The following CADPS2 variants were observed in gnomAD, a reference collection of about 807,000 sequenced individuals.
The protein encoded by CADPS2 is calcium-dependent secretion activator 2.
Under a neutral mutation model 172.5 loss-of-function variants are expected in CADPS2, and 93 were observed. The ratio of observed to expected loss-of-function variants is 0.54; its 90% CI spans 0.46 to 0.64. The LOEUF (loss-of-function observed/expected upper bound fraction) is 0.64, where lower values mean the gene tolerates loss of function less well. CADPS2 is among the 30% of genes least tolerant of loss of function. CADPS2 has a pLI of 0.00. For synonymous variants in CADPS2, 546 were observed against 555.2 expected (o/e 0.98, Z 0.23); for missense variants, 1,420 against 1,565.9 (o/e 0.91, Z 1.57).
chr7:122,780,431 T>C (rs1792384165), intron 1 of CADPS2, among the ~76,000 whole-genome samples: 2 of 152,300 alleles, frequency 1.3e-5, no homozygotes, highest in South Asian at 4.1e-4. Context: ...ACAGCTACTG[T>C]TTTTAAAAAG....
At position 122,546,524 on chromosome 7, in the gene CADPS2, T is replaced by C. The variant is rs143436439; in HGVS notation, c.1475+8026A>G. On this transcript the variant is annotated intron_variant, in intron 8 of 29. Transcript: ENST00000449022. ...CTTTGCTATGTTCCATAAACACTCATTTTCTCCTCTTTAGACCTCTGCTGA... is the reference window on the plus strand; with the variant it reads ...CTTTGCTATGTTCCATAAACACTCACTTTCTCCTCTTTAGACCTCTGCTGA... 4.0e-3 allele frequency among the ~76,000 whole-genome samples: 603 copies of C among 150,724 alleles called. 7 individuals are homozygous for C. The highest frequency in any genetic ancestry group is 0.014 in the African/African-American group (572 of 40,706).
At chr7:122,698,965 T>A (rs2085602059) in intron 2 of CADPS2, 6 of 1,283,954 alleles carry the variant, frequency 4.7e-6, no homozygotes, top group Middle Eastern at 1.9e-4. Flanking sequence ...CAGTTGCACA[T>A]CTGTTGACAA....
intron 12 of CADPS2, among the ~76,000 whole-genome samples, chr7:122,475,096 T>C (rs2056474800): frequency 6.6e-6 from 1 of 152,180 alleles, no homozygotes; most frequent in African/African-American, 2.4e-5. Context: ...AAGCTTAACG[T>C]CCCAAATGGC....
At chr7:122,365,226 T>C (rs1453395755) in intron 25 of CADPS2, among the ~76,000 whole-genome samples, 1 of 152,142 alleles carries the variant, frequency 6.6e-6, no homozygotes, top group Non-Finnish European at 1.5e-5. Flanking sequence ...ATTTCAAAAG[T>C]AGTGGAGAGT....
intron 24 of CADPS2, among the ~76,000 whole-genome samples, chr7:122,385,743 T>C (rs974248773): frequency 6.6e-6 from 1 of 151,948 alleles, no homozygotes; most frequent in South Asian, 2.1e-4. Flanking sequence ...TCCTAGGCCA[T>C]GAGTGGGAGG....
intron 28 of CADPS2, among the ~76,000 whole-genome samples, chr7:122,327,742 AAAT>A (rs1443796252): frequency 2.0e-5 from 3 of 152,034 alleles, no homozygotes; most frequent in Admixed American, 6.6e-5. Context: ...TACAATGCCA[AAAT>A]AATAATTTTA....
chr7:122,353,227 T>G (rs1019736928), intron 27 of CADPS2, among the ~76,000 whole-genome samples: 2 of 152,046 alleles, frequency 1.3e-5, no homozygotes, highest in Non-Finnish European at 2.9e-5. Flanking sequence ...AGGTGGAAAA[T>G]GAACGGAGAT....
intron 1 of CADPS2, among the ~76,000 whole-genome samples, chr7:122,743,013 T>G (rs982980653): frequency 6.6e-6 from 1 of 152,290 alleles, no homozygotes; most frequent in Non-Finnish European, 1.5e-5. Flanking sequence ...TGTTTTAATT[T>G]TGTCTTCAGA....
chr7:122,834,510 AG>A (rs759179835), intron 1 of CADPS2, among the ~76,000 whole-genome samples: 265 of 152,280 alleles, frequency 1.7e-3, no homozygotes, highest in Non-Finnish European at 3.3e-3. Context: ...GGGGAGCACA[AG>A]GGGTAAGGGA....
At chr7:122,394,058 G>T (rs912138424) in intron 20 of CADPS2, among the ~76,000 whole-genome samples, 4 of 152,164 alleles carry the variant, frequency 2.6e-5, no homozygotes, top group African/African-American at 4.8e-5. Context: ...CACTAGGAGG[G>T]TGTCTGTGGG....
chr7:122,727,481 A>T (rs1189675318), intron 2 of CADPS2, among the ~76,000 whole-genome samples: 1 of 151,600 alleles, frequency 6.6e-6, no homozygotes, highest in Non-Finnish European at 1.5e-5. Flanking sequence ...AAGAATATAC[A>T]AGCAGAAGAA....
intron 20 of CADPS2, among the ~76,000 whole-genome samples, chr7:122,397,517 G>T (rs1228951375): frequency 6.6e-6 from 1 of 151,702 alleles, no homozygotes; most frequent in African/African-American, 2.4e-5. Context: ...GAGGGGGAAA[G>T]AAAGGAAAGA....
chr7:122,702,499 A>G, intron 2 of CADPS2: 2 of 1,613,700 alleles, frequency 1.2e-6, no homozygotes, highest in Non-Finnish European at 1.7e-6. Flanking sequence ...GATGACAGGC[A>G]TTCTGATTCC....
Position 122,370,896 on chromosome 7 carries a change from C to T in CADPS2, c.3387+8472G>A, listed in dbSNP as rs562300107. Reference sequence around the variant, plus strand: ...ACTGTGAAGGGACTTGTAGGTGATGCTAAAAAGTTTTTCTTGTGGGTCAAC... The same window carrying T: ...ACTGTGAAGGGACTTGTAGGTGATGTTAAAAAGTTTTTCTTGTGGGTCAAC... On this transcript the variant is annotated intron_variant, in intron 25 of 29. Coordinates refer to ENST00000449022, the MANE Select transcript of CADPS2 (RefSeq NM_017954.11). Among the ~76,000 whole-genome samples the T allele has an allele frequency of 3.9e-5, 6 of 152,142 alleles. No homozygotes were observed. In the South Asian group the frequency reaches 1.0e-3, roughly 26 times the overall value.
intron 2 of CADPS2, among the ~76,000 whole-genome samples, chr7:122,682,030 A>G (rs959846145): frequency 1.3e-5 from 2 of 152,158 alleles, no homozygotes; most frequent in Non-Finnish European, 2.9e-5. Context: ...CTAATAGCAG[A>G]TCTTTGAGTC....
chr7:122,716,475 C>G (rs1051058196), intron 2 of CADPS2, among the ~76,000 whole-genome samples: 1 of 152,020 alleles, frequency 6.6e-6, no homozygotes, highest in East Asian at 1.9e-4. Flanking sequence ...AGGGAGCTCC[C>G]AGTCAGCAGA....
chr7:122,730,625 C>G (rs969314316), intron 2 of CADPS2, among the ~76,000 whole-genome samples: 1 of 151,624 alleles, frequency 6.6e-6, no homozygotes, highest in African/African-American at 2.4e-5. Flanking sequence ...TTAAAGTATG[C>G]TAATGTCATA....
rs57716923 is a variant in CADPS2 at position 122,575,178 on chromosome 7, T to TA, written c.1335+6000dup. 4.6e-3 allele frequency among the ~76,000 whole-genome samples: 667 copies of TA among 145,124 alleles called. 8 individuals carry two copies. The highest frequency in any genetic ancestry group is 0.015 in the African/African-American group (607 of 39,844). ...CTTAAAAATGTCATTATAATAAAAG[T>TA]AAAAAAAAAAGGTGGTGGGAGCATC... is the stretch of plus-strand genomic sequence containing the variant. On this transcript the variant is annotated intron_variant, in intron 7 of 29. Transcript: ENST00000449022.
intron 1 of CADPS2, among the ~76,000 whole-genome samples, chr7:122,834,409 A>T (rs887580984): frequency 3.3e-5 from 5 of 152,162 alleles, no homozygotes; most frequent in Admixed American, 2.6e-4. Flanking sequence ...TACCGGGTTC[A>T]TCTCACTGAG....
Sources: allele counts gnomAD v4.1 joint callset (sites outside exome capture counted in the v4.1 genomes callset), GRCh38; gene constraint gnomAD v4.1.1; transcripts MANE v1.5; gene names NCBI Gene and HGNC (gene_info 2026-07-23, HGNC 2026-07-21).